PCDHGA6: variants seen among roughly 807,000 people sequenced by gnomAD.
PCDHGA6 encodes the protein protocadherin gamma subfamily A, 6, also known as protocadherin gamma-A6.
In PCDHGA6, 41 loss-of-function variants were observed where a neutral mutation model predicts 60.6. The ratio of observed to expected loss-of-function variants is 0.68; its 90% CI spans 0.53 to 0.88. The LOEUF (loss-of-function observed/expected upper bound fraction) is 0.88. Ranked by LOEUF, PCDHGA6 falls within the 40% of genes least tolerant of loss-of-function variation. PCDHGA6 has a pLI of 0.00. For missense variants in PCDHGA6, 1,312 were observed against 1,203.0 expected (o/e 1.09, Z -1.34); for synonymous variants, 594 against 524.4 (o/e 1.13, Z -1.81).
chr5:141,460,346 ATTTTC>A (rs1049715417), intron 1 of PCDHGA6, among the ~76,000 whole-genome samples: 6 of 151,964 alleles, frequency 3.9e-5, no homozygotes, highest in Non-Finnish European at 8.8e-5. Flanking sequence ...TTTCTCCTAT[ATTTTC>A]TTTTAGAAGT....
At chr5:141,389,062 T>G (rs991150761) in intron 1 of PCDHGA6, 1 of 1,613,856 alleles carries the variant, frequency 6.2e-7, no homozygotes, top group African/African-American at 1.3e-5. Context: ...TTTAAAATAT[T>G]AACTTCTTCA....
At chr5:141,473,779 T>C (rs2099328680) in intron 1 of PCDHGA6, among the ~76,000 whole-genome samples, 1 of 152,204 alleles carries the variant, frequency 6.6e-6, no homozygotes, top group Non-Finnish European at 1.5e-5. Context: ...GGTATTTTAA[T>C]TCAAGAGCAG....
At chr5:141,409,559 G>A (rs1421541308) in intron 1 of PCDHGA6, 1 of 1,613,936 alleles carries the variant, frequency 6.2e-7, no homozygotes, top group Admixed American at 1.7e-5. Context: ...CCCAGTTTTC[G>A]ACCAGACGTC....
At chr5:141,408,401 C>T in intron 1 of PCDHGA6, 2 of 1,614,010 alleles carry the variant, frequency 1.2e-6, no homozygotes, top group Non-Finnish European at 8.5e-7. Context: ...TCGCAAGCTG[C>T]GAGTGAGCGC....
chr5:141,377,979 G>T (rs887213407), intron 1 of PCDHGA6: 4 of 152,086 alleles, frequency 2.6e-5, no homozygotes, highest in Non-Finnish European at 5.9e-5. Context: ...ATGTTCCTGG[G>T]TTGCAATCCT....
At chr5:141,410,192 T>G (rs748013890) in intron 1 of PCDHGA6, 1 of 1,613,980 alleles carries the variant, frequency 6.2e-7, no homozygotes, top group Non-Finnish European at 8.5e-7. Context: ...TCATCTGGTC[T>G]TCGCAGACAA....
rs1022516458 is a variant in PCDHGA6, at chr5:141,476,612, A to G, written c.2425-18195A>G. The G allele has an allele frequency of 1.2e-6, 2 of 1,614,236 alleles. No individual in the cohort carries two copies. The highest frequency in any genetic ancestry group is 2.2e-5 in the South Asian group (2 of 91,080). ...GAGCGCGCACGATCCCGATGTGGGA[A>G]GCAACTCTTTACAAACCTATGAGCT... On this transcript the variant is annotated intron_variant, in intron 1 of 3. Transcript: ENST00000517434. The surrounding 1 kb of genome is among the most constrained non-coding windows in gnomAD (Gnocchi z 7.6).
At chr5:141,382,796 G>T (rs1271325084) in intron 1 of PCDHGA6, 1 of 990,558 alleles carries the variant, frequency 1.0e-6, no homozygotes, top group Non-Finnish European at 1.5e-6. Context: ...CTATCCTGCT[G>T]GATTCTGAGC....
intron 1 of PCDHGA6, chr5:141,383,286 C>T (rs373163257): frequency 4.3e-6 from 7 of 1,613,770 alleles, no homozygotes; most frequent in African/African-American, 1.3e-5. Flanking sequence ...TTAATGACAA[C>T]GTTCCAAGAT....
rs776330769 is a variant in PCDHGA6 at position 141,413,206 on chromosome 5, T to G, written c.2424+36699T>G. The stretch of plus-strand genomic sequence containing the variant: ...CGCTCAAAGGAATCGCTCAAAGGAA[T>G]CAAAGGATTGCAGCGGGCTGGTCCT... On this transcript the variant is annotated intron_variant, in intron 1 of 3. Transcript: ENST00000517434. 4.3e-6 allele frequency: 7 copies of G among 1,612,936 alleles called. 1 individual carries two copies. In the South Asian group the frequency reaches 7.7e-5, roughly 18 times the overall value.
chr5:141,401,641 A>C (rs557366973), intron 1 of PCDHGA6, among the ~76,000 whole-genome samples: 1 of 152,374 alleles, frequency 6.6e-6, no homozygotes, highest in African/African-American at 2.4e-5. Context: ...GGAGCTTTAA[A>C]TATAAATGAC....
In PCDHGA6 at chr5:141,486,531, C is replaced by T; in HGVS notation, c.2425-8276C>T. The T allele has an allele frequency of 6.2e-7, 1 of 1,614,062 alleles. No homozygotes were observed. Among genetic ancestry groups the T allele is most frequent in the Non-Finnish European group, 8.5e-7 (1 of 1,180,020 alleles). Reference sequence around the variant, plus strand: ...ATTTCAGATGTGAATGATAATCCACCCTCTTTCTTTCAGAGGTCACATGAG... The same window carrying T: ...ATTTCAGATGTGAATGATAATCCACTCTCTTTCTTTCAGAGGTCACATGAG... On this transcript the variant is annotated intron_variant, in intron 1 of 3. Transcript: ENST00000517434. This position sits in a 1 kb window ranked among gnomAD's most constrained non-coding sequence, Gnocchi z 5.0.
chr5:141,489,625 A>G lies in PCDHGA6; in HGVS notation c.2425-5182A>G. ...GGTAGAGATCCTGGATCTCAATGAC[A>G]ACTCTCCTAGCTTTGCCACCCCTGA... On this transcript the variant is annotated intron_variant, in intron 1 of 3. Transcript: ENST00000517434. The surrounding 1 kb of genome is among the most constrained non-coding windows in gnomAD (Gnocchi z 4.5). 6.2e-7 allele frequency: 1 copy of G among 1,614,076 alleles called. No homozygotes were observed. The highest frequency in any genetic ancestry group is 8.5e-7 in the Non-Finnish European group (1 of 1,180,006).
At position 141,433,188 on chromosome 5, in the gene PCDHGA6, G is replaced by A. The variant is rs2097573612; in HGVS notation, c.2424+56681G>A. The A allele has an allele frequency of 2.5e-6, 4 of 1,583,816 alleles. No homozygotes were observed. The South Asian group carries it at 3.5e-5, about 14-fold the overall frequency. On this transcript the variant is annotated intron_variant, in intron 1 of 3. Coordinates refer to ENST00000517434, the MANE Select transcript of PCDHGA6 (RefSeq NM_018919.3). ...GACAGTCATGGGTTAATTGAGGTGA[G>A]TTTATATCAAATCTTCTTTCTTTTT...
intron 3 of PCDHGA6, among the ~76,000 whole-genome samples, chr5:141,507,784 T>C (rs2099863290): frequency 6.6e-6 from 1 of 152,136 alleles, no homozygotes; most frequent in Non-Finnish European, 1.5e-5. Context: ...GGCCTGACCC[T>C]CGTCTAAGCC....
intron 1 of PCDHGA6, chr5:141,408,518 T>A (rs1330187050): frequency 6.2e-7 from 1 of 1,614,010 alleles, no homozygotes; most frequent in African/African-American, 1.3e-5. Flanking sequence ...TGAGTTGCAA[T>A]TGGAAGCTGT....
chr5:141,413,788 G>T (rs2095678300), intron 1 of PCDHGA6: 1 of 1,613,166 alleles, frequency 6.2e-7, no homozygotes, highest in African/African-American at 1.3e-5. Flanking sequence ...GCACTCCCTA[G>T]ATCGCGAGGA....
At chr5:141,445,420 T>C (rs968387442) in intron 1 of PCDHGA6, among the ~76,000 whole-genome samples, 3 of 152,204 alleles carry the variant, frequency 2.0e-5, no homozygotes, top group Admixed American at 6.5e-5. Context: ...GTCTGCTATA[T>C]GCAAGGCACT....
At chr5:141,434,240 T>A (rs979144259) in intron 1 of PCDHGA6, among the ~76,000 whole-genome samples, 1 of 152,336 alleles carries the variant, frequency 6.6e-6, no homozygotes, top group East Asian at 1.9e-4. Flanking sequence ...CTGGACTAGA[T>A]GACTTGGGCA....
Sources: allele counts gnomAD v4.1 joint callset (sites outside exome capture counted in the v4.1 genomes callset), GRCh38; gene constraint gnomAD v4.1.1; non-coding constraint Gnocchi (gnomAD v3.1); transcripts MANE v1.5; gene names NCBI Gene and HGNC (gene_info 2026-07-23, HGNC 2026-07-21).